The following CDCP2 variants were observed in gnomAD, a reference collection of about 807,000 sequenced individuals.
CDCP2 encodes the protein CUB domain containing protein 2.
Under a neutral mutation model 31.0 loss-of-function variants are expected in CDCP2, and 31 were observed. The observed-to-expected ratio is 1.00, with a 90% CI of 0.75 to 1.35. CDCP2 has a LOEUF of 1.35. Among genes scored for constraint, CDCP2 ranks in the 40% most tolerant of loss-of-function variants. CDCP2 has a pLI of 0.00. For synonymous variants in CDCP2, 206 were observed against 207.9 expected (o/e 0.99, Z 0.08); for missense variants, 443 against 482.6 (o/e 0.92, Z 0.77).
upstream of CDCP2, chr1:54,152,941 C>G (rs773454571): frequency 2.5e-6 from 4 of 1,613,528 alleles, no homozygotes; most frequent in East Asian, 2.2e-5. Context: ...CAGGGGCCCC[C>G]ACAGGTCTGC....
exon 4 of CDCP2, chr1:54,139,997 C>T (rs933399338): frequency 1.2e-5 from 19 of 1,613,864 alleles, no homozygotes; most frequent in South Asian, 3.3e-5. Flanking sequence ...CCTGGTAGCC[C>T]GGGGGCAGGC....
exon 6 of CDCP2, chr1:54,133,105 G>A (rs965727823): frequency 5.0e-6 from 2 of 399,130 alleles, no homozygotes; most frequent in South Asian, 1.3e-4. Context: ...TCATCCATGG[G>A]TGGTGCTTCC....
chr1:54,148,573 G>T (rs1034072212), intron 1 of CDCP2, among the ~76,000 whole-genome samples: 4 of 151,588 alleles, frequency 2.6e-5, no homozygotes, highest in Non-Finnish European at 5.9e-5. Flanking sequence ...GAAGTCTCTG[G>T]ATCTGTCTAC....
intron 3 of CDCP2, 117 bp downstream of exon 3, chr1:54,140,981 A>G (rs1205498121): frequency 2.5e-6 from 2 of 786,626 alleles, no homozygotes; most frequent in Non-Finnish European, 3.9e-6. Context: ...AGGCAGAGAG[A>G]GTGCAGAAAG....
At chr1:54,135,697 T>C (rs1452294016) in intron 5 of CDCP2, among the ~76,000 whole-genome samples, 2 of 152,060 alleles carry the variant, frequency 1.3e-5, no homozygotes, top group Admixed American at 6.5e-5. Flanking sequence ...GCAGAATACC[T>C]CGGCAGCCAG....
At chr1:54,144,751 T>G in exon 2 of CDCP2, 1 of 1,614,142 alleles carries the variant, frequency 6.2e-7, no homozygotes, top group South Asian at 1.1e-5. Context: ...GGGTACAGTC[T>G]AGGGAAGTTG....
intron 1 of CDCP2, among the ~76,000 whole-genome samples, chr1:54,149,422 G>T (rs1659537195): frequency 1.3e-5 from 2 of 149,662 alleles, no homozygotes; most frequent in South Asian, 4.1e-4. Flanking sequence ...AAAGAAACAA[G>T]AAAGGCAGAA....
At chr1:54,133,064 C>T (rs929803087) in exon 6 of CDCP2, 4 of 398,980 alleles carry the variant, frequency 1.0e-5, no homozygotes, top group Non-Finnish European at 1.8e-5. Flanking sequence ...CCTGGGCCAC[C>T]ATGCTCACTG....
chr1:54,152,812 T>A, intron 1 of CDCP2, 32 bp downstream of exon 1: 1 of 1,592,478 alleles, frequency 6.3e-7, no homozygotes, highest in Non-Finnish European at 8.6e-7. Context: ...CTCCTTCCCC[T>A]CTCAGTTCAT....
intron 4 of CDCP2, 156 bp downstream of exon 4, chr1:54,139,597 G>A (rs1659319814): frequency 6.2e-7 from 1 of 1,613,586 alleles, no homozygotes; most frequent in South Asian, 1.1e-5. Context: ...GGTCCCGAGA[G>A]TGGGCAAGGG....
intron 5 of CDCP2, among the ~76,000 whole-genome samples, chr1:54,133,797 G>A (rs1659210252): frequency 6.6e-6 from 1 of 152,094 alleles, no homozygotes; most frequent in Non-Finnish European, 1.5e-5. Flanking sequence ...TCGGGAGGCT[G>A]AGGCACGAGA....
rs1169715756 is a variant in CDCP2 at position 54,136,818 on chromosome 1, G to A, written c.1118-10C>T. 1.3e-5 allele frequency: 5 copies of A among 399,246 alleles called. No individual in the cohort carries two copies. The highest frequency in any genetic ancestry group is 1.3e-4 in the South Asian group (1 of 7,858). 24.7% of individuals were successfully genotyped at this position (399,246 alleles called of 1,614,324 possible). A position where few individuals can be genotyped will look rare whatever the true frequency, so the allele number is the denominator to read the frequency against. On this transcript the variant is annotated splice_polypyrimidine_tract_variant and intron_variant, in intron 4 of 5. Transcript: ENST00000530059. ...ACGTTCATGGGCACCACTGGGAATC[G>A]GAGGGAGGAGCTGGAAGCCTTAGGG... is the stretch of plus-strand genomic sequence containing the variant.
chr1:54,150,874 C>A (rs182422632), intron 1 of CDCP2, among the ~76,000 whole-genome samples: 2 of 152,222 alleles, frequency 1.3e-5, no homozygotes, highest in Non-Finnish European at 2.9e-5. Flanking sequence ...AAGACACATT[C>A]GCTAAACATG....
chr1:54,132,854 G>A (rs979425570), downstream of CDCP2: 6 of 397,568 alleles, frequency 1.5e-5, no homozygotes, highest in Non-Finnish European at 2.7e-5. Flanking sequence ...GAGGCTCAGA[G>A]AGGGATATGA....
At chr1:54,133,000 C>G in exon 6 of CDCP2, 1 of 399,036 alleles carries the variant, frequency 2.5e-6, no homozygotes, top group Non-Finnish European at 4.4e-6. Flanking sequence ...ATGGCAATAA[C>G]CATGAGGATT....
At position 54,139,645 on chromosome 1, in the gene CDCP2, T is replaced by TCG; in HGVS notation, c.1117+107_1117+108insCG. 5 of 1,533,738 alleles carry TCG rather than the reference T, an allele frequency of 3.3e-6. No homozygotes were observed. The South Asian group carries it at 4.5e-5, about 14-fold the overall frequency. Reference sequence around the variant, plus strand: ...AGAAGGAGCTGGAGAAGACCATTCATGGGGGGGGCAGGACAAACTGGTGGG... The same window carrying TCG: ...AGAAGGAGCTGGAGAAGACCATTCATCGGGGGGGGGCAGGACAAACTGGTGGG... On this transcript the variant is annotated intron_variant, in intron 4 of 5. Transcript: ENST00000530059.
At chr1:54,134,352 A>T (rs572350382) in intron 5 of CDCP2, among the ~76,000 whole-genome samples, 1 of 152,312 alleles carries the variant, frequency 6.6e-6, no homozygotes, top group South Asian at 2.1e-4. Context: ...GAGGAACAAG[A>T]TGTGGGGGCC....
chr1:54,143,073 C>T (rs1768474), intron 2 of CDCP2: 124,261 of 152,194 alleles, frequency 0.82, 50,841 homozygotes, highest in Middle Eastern at 0.88. Context: ...TGGTGGCTCA[C>T]GCCTGTAATC....
chr1:54,145,802 G>A (rs1242638915), intron 1 of CDCP2, among the ~76,000 whole-genome samples: 1 of 152,176 alleles, frequency 6.6e-6, no homozygotes, highest in Non-Finnish European at 1.5e-5. Flanking sequence ...CTCCTTAAAT[G>A]TGCCCTGTTT....
Sources: allele counts gnomAD v4.1 joint callset (sites outside exome capture counted in the v4.1 genomes callset), GRCh38; gene constraint gnomAD v4.1.1; transcripts MANE v1.5; gene names NCBI Gene and HGNC (gene_info 2026-07-23, HGNC 2026-07-21).